BHMT: variants seen among roughly 807,000 people sequenced by gnomAD.
BHMT encodes betaine--homocysteine S-methyltransferase, also known as betaine--homocysteine S-methyltransferase 1.
In BHMT, 38 loss-of-function variants were observed where a neutral mutation model predicts 49.5. The observed-to-expected ratio is 0.77, with a 90% CI of 0.59 to 1.01. The LOEUF is 1.01. Ranked by LOEUF, BHMT falls within the 50% of genes least tolerant of loss-of-function variation. The probability of loss-of-function intolerance (pLI) is 0.00; values close to 1 mark genes in which losing one functional copy is unlikely to be tolerated. For missense variants in BHMT, 426 were observed against 495.7 expected, an observed-to-expected ratio of 0.86 and a Z score of 1.34; for synonymous variants, 166 against 176.3, an observed-to-expected ratio of 0.94 and a Z score of 0.46.
At chr5:79,127,723 A>G (rs1756572814) in intron 6 of BHMT, 32 bp from the exon 7 acceptor site, 3 of 1,604,398 alleles carry the variant, frequency 1.9e-6, no homozygotes, top group Non-Finnish European at 2.6e-6. Context: ...AAGAATGTAT[A>G]ATGCCTAATG....
intron 7 of BHMT, among the ~76,000 whole-genome samples, chr5:79,129,247 TCC>T (rs1254103742): frequency 6.6e-6 from 1 of 152,094 alleles, no homozygotes; most frequent in East Asian, 1.9e-4. Context: ...GTATAGTAAG[TCC>T]AAGGATGAAG....
At chr5:79,124,330 C>T (rs984259141) in intron 5 of BHMT, among the ~76,000 whole-genome samples, 2 of 152,106 alleles carry the variant, frequency 1.3e-5, no homozygotes, top group South Asian at 4.1e-4. Context: ...GTGAGGATCG[C>T]TTGAGGCCAG....
Position 79,120,476 on chromosome 5 carries a change from A to C in BHMT, c.412A>C (p.Lys138Gln). The C allele has an allele frequency of 1.2e-6, 2 of 1,614,094 alleles. No individual in the cohort carries two copies. The highest frequency in any genetic ancestry group is 1.7e-6 in the Non-Finnish European group (2 of 1,180,010). Residue 138 changes from lysine (K) to glutamine (Q), a missense_variant, in exon 4 of 8, where the codon AAA becomes CAA. Lys to Gln is a moderately conservative substitution (Grantham distance 53). This residue lies in a region of BHMT where 321 missense variants were observed against 355.9 expected (regional missense o/e 0.90). Coordinates refer to ENST00000274353, the MANE Select transcript of BHMT (RefSeq NM_001713.3). ...TAGCTGCAAGAGTGAAACTGAAGTCAAAAAAGTATTTCTGCAACAGTTAGA... is the reference window on the plus strand; with the variant it reads ...TAGCTGCAAGAGTGAAACTGAAGTCCAAAAAGTATTTCTGCAACAGTTAGA... ...YLSCKSETEV[K>Q]KVFLQQLEVF...
intron 2 of BHMT, 21 bp from the exon 3 acceptor site, chr5:79,119,238 T>A: frequency 1.3e-6 from 2 of 1,555,150 alleles, no homozygotes; most frequent in Non-Finnish European, 1.8e-6. Context: ...AAATTATACC[T>A]TTCCTCATTC....
chr5:79,127,923 A>C lies in BHMT; in HGVS notation c.977A>C (p.Glu326Ala). The C allele has an allele frequency of 6.2e-7, 1 of 1,614,034 alleles. No individual in the cohort carries two copies. The highest frequency in any genetic ancestry group is 1.1e-5 in the South Asian group (1 of 91,052). The stretch of plus-strand genomic sequence containing the variant: ...AGGGGCTTTTTGCCACCAGCTTCAG[A>C]AAAACATGGCAGCTGGGGAAGTGGT... ...PERGFLPPASEKHGSWGSGLD... is the reference protein window; with the variant it reads ...PERGFLPPASAKHGSWGSGLD... The change falls in exon 7 of 8, where the codon GAA becomes GCA. Residue 326 changes from glutamate to alanine, a missense_variant. This residue lies in a region of BHMT where 32 missense variants were observed against 71.6 expected (regional missense o/e 0.45). Transcript: ENST00000274353.
intron 6 of BHMT, among the ~76,000 whole-genome samples, chr5:79,126,767 C>T (rs531631608): frequency 3.3e-5 from 5 of 152,018 alleles, no homozygotes; most frequent in African/African-American, 1.2e-4. Flanking sequence ...AATGAAGAGA[C>T]CAAGCAGATG....
At chr5:79,122,778 A>T (rs1178096684) in intron 5 of BHMT, among the ~76,000 whole-genome samples, 1 of 152,070 alleles carries the variant, frequency 6.6e-6, no homozygotes, top group Non-Finnish European at 1.5e-5. Flanking sequence ...ATACACACAC[A>T]TACAAGTATA....
rs1467948215 is a variant in BHMT, at chr5:79,122,837, CA to C, written c.625+1474del. 3.3e-5 allele frequency among the ~76,000 whole-genome samples: 5 copies of C among 151,974 alleles called. No individual in the cohort carries two copies. The East Asian group carries it at 9.7e-4, about 29-fold the overall frequency. ...ATCCACAATATTCAAATCTGGAGCCCAATGGGAAGGTCAGGGTAAGAGAGAG... is the reference window on the plus strand; with the variant it reads ...ATCCACAATATTCAAATCTGGAGCCCATGGGAAGGTCAGGGTAAGAGAGAG... On this transcript the variant is annotated intron_variant, in intron 5 of 7. Coordinates refer to ENST00000274353, the MANE Select transcript of BHMT (RefSeq NM_001713.3).
At chr5:79,128,114 T>A in intron 7 of BHMT, 131 bp downstream of exon 7, 2 of 1,123,958 alleles carry the variant, frequency 1.8e-6, no homozygotes, top group South Asian at 3.2e-5. Context: ...CTCCCAGAGA[T>A]GTTTACAAAG....
Position 79,126,240 on chromosome 5 carries a change from A to C in BHMT, c.808+12A>C, listed in dbSNP as rs776440367. On this transcript the variant is annotated intron_variant, in intron 6 of 7. Coordinates refer to ENST00000274353, the MANE Select transcript of BHMT (RefSeq NM_001713.3). ...AGAATTCCCATTTGGTAAGACCAACATTTGATGAATCATCTCAATATCTTC... is the reference window on the plus strand; with the variant it reads ...AGAATTCCCATTTGGTAAGACCAACCTTTGATGAATCATCTCAATATCTTC... The C allele has an allele frequency of 8.1e-6, 13 of 1,612,004 alleles. No individual in the cohort carries two copies. Among genetic ancestry groups the C allele is most frequent in the Non-Finnish European group, 1.0e-5 (12 of 1,178,476 alleles).
chr5:79,119,412 T>C, intron 3 of BHMT, 35 bp downstream of exon 3: 3 of 1,533,492 alleles, frequency 2.0e-6, no homozygotes, highest in Non-Finnish European at 2.7e-6. Context: ...TTTAGAAGGA[T>C]ATTGTCGACC....
chr5:79,128,190 A>AT, intron 7 of BHMT: 1 of 758,278 alleles, frequency 1.3e-6, no homozygotes, highest in Non-Finnish European at 2.0e-6. Flanking sequence ...CTGATTTTGG[A>AT]TTTTGAAAAG....
At chr5:79,120,204 G>C (rs1756445430) in intron 3 of BHMT, 146 bp from the exon 4 acceptor site, 2 of 711,454 alleles carry the variant, frequency 2.8e-6, no homozygotes, top group Admixed American at 3.5e-5. Context: ...TGTTCAACTT[G>C]GTAAAGCTTT....
At chr5:79,114,506 C>T (rs936203456) in intron 1 of BHMT, among the ~76,000 whole-genome samples, 3 of 152,178 alleles carry the variant, frequency 2.0e-5, no homozygotes, top group Non-Finnish European at 4.4e-5. Flanking sequence ...ATGCAAAATC[C>T]TGTGACTGCC....
At chr5:79,123,899 A>G (rs1173100140) in intron 5 of BHMT, among the ~76,000 whole-genome samples, 1 of 152,190 alleles carries the variant, frequency 6.6e-6, no homozygotes, top group Non-Finnish European at 1.5e-5. Context: ...GTTCATCAAC[A>G]GGTGAATGGA....
chr5:79,119,645 G>T, intron 3 of BHMT: 1 of 295,206 alleles, frequency 3.4e-6, no homozygotes, highest in Non-Finnish European at 6.3e-6. Flanking sequence ...GAGTAAATTG[G>T]GCAACCTTAC....
Position 79,126,017 on chromosome 5 carries a change from TA to T in BHMT, c.626-27del, listed in dbSNP as rs1259339011. 7 of 1,580,992 alleles carry T rather than the reference TA, an allele frequency of 4.4e-6. No homozygotes were observed. The South Asian group carries it at 7.9e-5, about 18-fold the overall frequency. The stretch of plus-strand genomic sequence containing the variant: ...GCCCTGCTGGTTTCTGGTGCATCCC[TA>T]AGTCTATCATGTTCTTCCCACTCAC... On this transcript the variant is annotated intron_variant, in intron 5 of 7. Coordinates refer to ENST00000274353, the MANE Select transcript of BHMT (RefSeq NM_001713.3).
At chr5:79,112,513 C>G (rs1337592735) in intron 1 of BHMT, among the ~76,000 whole-genome samples, 2 of 152,222 alleles carry the variant, frequency 1.3e-5, no homozygotes. Context: ...GCCGCCTCCC[C>G]GCCGGGTTCT....
Position 79,115,811 on chromosome 5 carries a change from T to C in BHMT, c.78T>C (p.Asp26=). The change falls in exon 2 of 8, where the codon GAT becomes GAC. Residue 26 remains aspartate, a synonymous_variant. Coordinates refer to ENST00000274353, the MANE Select transcript of BHMT (RefSeq NM_001713.3). The stretch of plus-strand genomic sequence containing the variant: ...ATGCTGGAGAGATTGTGATTGGAGA[T>C]GGAGGGTTTGTCTTTGCACTGGAGA... ...RLNAGEIVIG[D]GGFVFALEKR... is the part of the protein sequence containing the mutation. 3 of 1,613,912 alleles carry C rather than the reference T, an allele frequency of 1.9e-6. No homozygotes were observed. The highest frequency in any genetic ancestry group is 2.5e-6 in the Non-Finnish European group (3 of 1,179,880).
Sources: allele counts gnomAD v4.1 joint callset (sites outside exome capture counted in the v4.1 genomes callset), GRCh38; gene constraint gnomAD v4.1.1; regional missense constraint gnomAD v4.1.1; transcripts MANE v1.5; gene names NCBI Gene and HGNC (gene_info 2026-07-23, HGNC 2026-07-21).